Variants in MAP2K5 observed in about 807,000 individuals in gnomAD.
MAP2K5 encodes mitogen-activated protein kinase kinase 5.
In MAP2K5, 49 loss-of-function variants were observed where a neutral mutation model predicts 83.1. The observed-to-expected ratio is 0.59, with a 90% confidence interval of 0.47 to 0.75. The LOEUF is 0.75. Ranked by LOEUF, MAP2K5 falls within the 30% of genes least tolerant of loss-of-function variation. The pLI, the probability that MAP2K5 is intolerant of heterozygous loss-of-function variation, is 0.00. For synonymous variants in MAP2K5, 202 were observed against 191.8 expected, an observed-to-expected ratio of 1.05 and a Z score of -0.44; for missense variants, 457 against 557.5, an observed-to-expected ratio of 0.82 and a Z score of 1.82.
Position 67,755,741 on chromosome 15 carries a change from TTAAA to T in MAP2K5, c.1134+7143_1134+7146del, listed in dbSNP as rs1368407495. On this transcript the variant is annotated intron_variant, in intron 19 of 21. Coordinates refer to ENST00000178640, the MANE Select transcript of MAP2K5 (RefSeq NM_145160.3). The surrounding 1 kb of genome is among the most constrained non-coding windows in gnomAD (Gnocchi z 4.7). Reference sequence around the variant, plus strand: ...CTTATGTCTTCATTAAGTTTTATGGTTAAATAGAGTCATAAGAACTTGCAGAAGA... The same window carrying T: ...CTTATGTCTTCATTAAGTTTTATGGTTAGAGTCATAAGAACTTGCAGAAGA... Among the ~76,000 whole-genome samples the T allele has an allele frequency of 1.3e-5, 2 of 152,244 alleles. No individual in the cohort carries two copies. Among genetic ancestry groups the T allele is most frequent in the African/African-American group, 4.8e-5 (2 of 41,456 alleles).
chr15:67,769,803 G>A lies in MAP2K5; in HGVS notation c.1196+140G>A. On this transcript the variant is annotated intron_variant, in intron 20 of 21. Transcript: ENST00000178640. The surrounding 1 kb of genome is among the most constrained non-coding windows in gnomAD (Gnocchi z 5.2). ...TTCGGGGCCTTGGGCAGATGGGGCA[G>A]CAAAGCTGAAGAAATTGTTTAAATT... is the stretch of plus-strand genomic sequence containing the variant. 1.4e-6 allele frequency: 1 copy of A among 695,202 alleles called. No homozygotes were observed. Among genetic ancestry groups the A allele is most frequent in the Non-Finnish European group, 2.5e-6 (1 of 403,910 alleles). 43.1% of individuals were successfully genotyped at this position (695,202 alleles called of 1,614,324 possible).
At position 67,668,325 on chromosome 15, in the gene MAP2K5, A is replaced by G. The variant is rs566785917; in HGVS notation, c.847+3680A>G. On this transcript the variant is annotated intron_variant, in intron 13 of 21. Transcript: ENST00000178640. The surrounding 1 kb of genome is among the most constrained non-coding windows in gnomAD (Gnocchi z 4.0). ...TATGAAAATCTTTTCTCTAAAATAA[A>G]CCAAACGTGTGATAATTCCACATGA... is the stretch of plus-strand genomic sequence containing the variant. Among the ~76,000 whole-genome samples the G allele has an allele frequency of 1.3e-5, 2 of 152,262 alleles. No individual in the cohort carries two copies. Among genetic ancestry groups the G allele is most frequent in the East Asian group, 3.9e-4 (2 of 5,190 alleles).
In MAP2K5 at chr15:67,677,499, C is replaced by T. The variant is rs1288751560; in HGVS notation, c.847+12854C>T. Among the ~76,000 whole-genome samples, 3 of 152,158 alleles carry T rather than the reference C, an allele frequency of 2.0e-5. No homozygotes were observed. The highest frequency in any genetic ancestry group is 7.2e-5 in the African/African-American group (3 of 41,436). On this transcript the variant is annotated intron_variant, in intron 13 of 21. Transcript: ENST00000178640. The surrounding 1 kb of genome is among the most constrained non-coding windows in gnomAD (Gnocchi z 4.2). ...AAAACAAATTACCAGGATTAGTCTT[C>T]GGGACACACCGCTCCAAGTCAAGTC...
intron 9 of MAP2K5, among the ~76,000 whole-genome samples, chr15:67,634,367 CAAA>C (rs71142390): frequency 1.4e-3 from 67 of 48,488 alleles, no homozygotes; most frequent in Non-Finnish European, 2.0e-3. Context: ...GACCTCATCT[CAAA>C]AAAAAAAAAA....
chr15:67,753,650 C>T (rs914208029), intron 19 of MAP2K5, among the ~76,000 whole-genome samples: 1 of 151,898 alleles, frequency 6.6e-6, no homozygotes, highest in Non-Finnish European at 1.5e-5. Context: ...CTACTTCATG[C>T]CCACTAGGAT....
In MAP2K5 at chr15:67,781,398, G is replaced by A. The variant is rs144852172; in HGVS notation, c.1242+8646G>A. Among the ~76,000 whole-genome samples, 1 of 152,310 alleles carries A rather than the reference G, an allele frequency of 6.6e-6. No homozygotes were observed. Among genetic ancestry groups the A allele is most frequent in the African/African-American group, 2.4e-5 (1 of 41,568 alleles). On this transcript the variant is annotated intron_variant, in intron 21 of 21. Transcript: ENST00000178640. The surrounding 1 kb of genome is among the most constrained non-coding windows in gnomAD (Gnocchi z 4.0). ...TTTGAGAGAGACCTTTGGGGATTGTGAGTCTTGTGGTTTCGGATACAGAGT... is the reference window on the plus strand; with the variant it reads ...TTTGAGAGAGACCTTTGGGGATTGTAAGTCTTGTGGTTTCGGATACAGAGT...
chr15:67,644,427 CTT>C lies in MAP2K5; in HGVS notation c.586-1803_586-1802del. Among the ~76,000 whole-genome samples, 1 of 152,032 alleles carries C rather than the reference CTT, an allele frequency of 6.6e-6. No individual in the cohort carries two copies. Among genetic ancestry groups the C allele is most frequent in the Non-Finnish European group, 1.5e-5 (1 of 67,940 alleles). ...TAAATAAATAAATAAAACAATTACT[CTT>C]GAATTAGTTTCACTGACATGCTTAG... is the stretch of plus-strand genomic sequence containing the variant. On this transcript the variant is annotated intron_variant, in intron 9 of 21. Coordinates refer to ENST00000178640, the MANE Select transcript of MAP2K5 (RefSeq NM_145160.3). The surrounding 1 kb of genome is among the most constrained non-coding windows in gnomAD (Gnocchi z 4.6).
chr15:67,567,973 A>G (rs962463858), intron 3 of MAP2K5, among the ~76,000 whole-genome samples: 1 of 152,200 alleles, frequency 6.6e-6, no homozygotes, highest in Non-Finnish European at 1.5e-5. Flanking sequence ...AATTCAGCCA[A>G]TACATCTTGC....
rs71142381 is a variant in MAP2K5, at chr15:67,575,916, CTTTTTT to C, written c.253-4822_253-4817del. Reference sequence around the variant, plus strand: ...TCTTTTTTTCTTTCTTTCTTTCTTTCTTTTTTTTTTTTTTTTTTTTTAAGATGGAGT... The same window carrying C: ...TCTTTTTTTCTTTCTTTCTTTCTTTCTTTTTTTTTTTTTTTAAGATGGAGT... On this transcript the variant is annotated intron_variant, in intron 3 of 21. Transcript: ENST00000178640. Among the ~76,000 whole-genome samples, 74 of 135,704 alleles carry C rather than the reference CTTTTTT, an allele frequency of 5.5e-4. 1 individual carries two copies. Among genetic ancestry groups the C allele is most frequent in the African/African-American group, 1.6e-3 (58 of 36,332 alleles). The allele number at this position is 135,704 out of a possible 152,430, so 89.0% of individuals were successfully genotyped here.
At chr15:67,617,141 A>G (rs1298227278) in intron 8 of MAP2K5, among the ~76,000 whole-genome samples, 1 of 152,176 alleles carries the variant, frequency 6.6e-6, no homozygotes, top group African/African-American at 2.4e-5. Context: ...TTCCGTGCTC[A>G]TTTTGATAAC....
rs890993253 is a variant in MAP2K5 at position 67,780,376 on chromosome 15, C to A, written c.1242+7624C>A. Among the ~76,000 whole-genome samples the A allele has an allele frequency of 5.9e-5, 9 of 151,934 alleles. No individual in the cohort carries two copies. The highest frequency in any genetic ancestry group is 2.2e-4 in the African/African-American group (9 of 41,354). On this transcript the variant is annotated intron_variant, in intron 21 of 21. Transcript: ENST00000178640. The surrounding 1 kb of genome is among the most constrained non-coding windows in gnomAD (Gnocchi z 5.0). ...TTTTTCTTCCACTAGATTGTAAGTT[C>A]CTTGAAGGAGGATCATGATCTTATA... is the stretch of plus-strand genomic sequence containing the variant.
chr15:67,769,589 T>C lies in MAP2K5; in HGVS notation c.1135-13T>C. 6.2e-7 allele frequency: 1 copy of C among 1,613,402 alleles called. No homozygotes were observed. The highest frequency in any genetic ancestry group is 8.5e-7 in the Non-Finnish European group (1 of 1,179,482). ...GTTGTGACTTTTGGTGACATGTTTT[T>C]CCTCCATCACAGGATTCGCCCGTCC... On this transcript the variant is annotated splice_polypyrimidine_tract_variant and intron_variant, in intron 19 of 21. Coordinates refer to ENST00000178640, the MANE Select transcript of MAP2K5 (RefSeq NM_145160.3). This position sits in a 1 kb window ranked among gnomAD's most constrained non-coding sequence, Gnocchi z 5.2.
intron 17 of MAP2K5, among the ~76,000 whole-genome samples, chr15:67,745,328 G>A (rs890427200): frequency 5.9e-5 from 9 of 152,324 alleles, no homozygotes; most frequent in Middle Eastern, 3.4e-3. Flanking sequence ...CATTTGGAAG[G>A]CAGACCCAGA....
chr15:67,739,126 A>G (rs2089411219), intron 17 of MAP2K5, among the ~76,000 whole-genome samples: 1 of 151,836 alleles, frequency 6.6e-6, no homozygotes, highest in African/African-American at 2.4e-5. Flanking sequence ...CAAAAAATTT[A>G]AAAACCAGCT....
At chr15:67,580,913 CATG>C in intron 4 of MAP2K5, 90 bp downstream of exon 4, 1 of 862,390 alleles carries the variant, frequency 1.2e-6, no homozygotes. Flanking sequence ...ATGCACATAA[CATG>C]ATGTTTAGCT....
rs145323958 is a variant in MAP2K5 at position 67,738,012 on chromosome 15, C to T, written c.1074+10067C>T. ...GATTATAGGAGTGCATCACCATACC[C>T]GGCTAATTTTTGTATTTTTAATAGA... On this transcript the variant is annotated intron_variant, in intron 17 of 21. Coordinates refer to ENST00000178640, the MANE Select transcript of MAP2K5 (RefSeq NM_145160.3). This position sits in a 1 kb window ranked among gnomAD's most constrained non-coding sequence, Gnocchi z 4.1. Among the ~76,000 whole-genome samples, 4 of 151,772 alleles carry T rather than the reference C, an allele frequency of 2.6e-5. No homozygotes were observed. The highest frequency in any genetic ancestry group is 5.9e-5 in the Non-Finnish European group (4 of 67,928).
At chr15:67,626,548 A>C (rs1436528916) in intron 8 of MAP2K5, among the ~76,000 whole-genome samples, 1 of 152,054 alleles carries the variant, frequency 6.6e-6, no homozygotes, top group South Asian at 2.1e-4. Flanking sequence ...CAAACAAAAA[A>C]CATAATATAG....
At chr15:67,575,254 G>T (rs2085029529) in intron 3 of MAP2K5, among the ~76,000 whole-genome samples, 1 of 152,120 alleles carries the variant, frequency 6.6e-6, no homozygotes, top group Non-Finnish European at 1.5e-5. Context: ...AAAATGAGAA[G>T]GCTAATGAAA....
At chr15:67,549,066 G>A (rs1470872300) in intron 1 of MAP2K5, 16 of 1,524,658 alleles carry the variant, frequency 1.0e-5, no homozygotes, top group African/African-American at 6.9e-5. Flanking sequence ...GAAATACTGC[G>A]AGCGGCTTTG....
Sources: gnomAD v4.1 joint callset for allele counts (sites outside exome capture counted in the v4.1 genomes callset) on GRCh38, gnomAD v4.1.1 for gene constraint, Gnocchi (gnomAD v3.1) non-coding constraint, MANE v1.5 for transcripts, NCBI Gene and HGNC (gene_info 2026-07-23, HGNC 2026-07-21) for gene names.